SNTG1: variants seen among roughly 807,000 people sequenced by gnomAD.
SNTG1 encodes the protein gamma-1-syntrophin.
A neutral mutation model predicts 74.7 loss-of-function variants in SNTG1; 39 were observed. The ratio of observed to expected loss-of-function variants is 0.52; its 90% CI spans 0.40 to 0.68. The LOEUF is 0.68. Among genes scored for constraint, SNTG1 ranks in the 30% least tolerant of loss-of-function variants. The pLI is 0.00. For missense variants in SNTG1, 685 were observed against 609.5 expected (o/e 1.12, Z -1.30); for synonymous variants, 254 against 217.1 (o/e 1.17, Z -1.49).
chr8:50,164,935 GT>G lies in SNTG1; in HGVS notation c.-102-7621del, dbSNP rs1433122399. ...AGAATGAGTCATCCCTTATTTATAGGTTTTTAAATTTGCTTTCAGCTTATTT... is the reference window on the plus strand; with the variant it reads ...AGAATGAGTCATCCCTTATTTATAGGTTTTAAATTTGCTTTCAGCTTATTT... On this transcript the variant is annotated intron_variant, in intron 1 of 18. Transcript: ENST00000642720. Among the ~76,000 whole-genome samples, 3 of 152,174 alleles carry G rather than the reference GT, an allele frequency of 2.0e-5. No homozygotes were observed. The East Asian group carries it at 5.8e-4, about 29-fold the overall frequency.
intron 18 of SNTG1, among the ~76,000 whole-genome samples, chr8:50,780,344 TG>T (rs2095655289): frequency 6.6e-6 from 1 of 152,224 alleles, no homozygotes; most frequent in Non-Finnish European, 1.5e-5. Flanking sequence ...GGACTCTTTT[TG>T]GTTGGTAAGC....
chr8:50,433,117 T>A (rs960262948), intron 4 of SNTG1, among the ~76,000 whole-genome samples: 1 of 152,202 alleles, frequency 6.6e-6, no homozygotes, highest in Non-Finnish European at 1.5e-5. Context: ...TAGTATGTGT[T>A]ATTTTAAATG....
At chr8:50,128,014 AAT>A (rs2081201554) in intron 1 of SNTG1, among the ~76,000 whole-genome samples, 1 of 152,100 alleles carries the variant, frequency 6.6e-6, no homozygotes, top group Admixed American at 6.6e-5. Flanking sequence ...GAGTCTAAAA[AAT>A]GTCTTTTACT....
Position 50,421,049 on chromosome 8 carries a change from G to T in SNTG1, c.163-17494G>T, listed in dbSNP as rs1260606750. Among the ~76,000 whole-genome samples, 10 of 113,388 alleles carry T rather than the reference G, an allele frequency of 8.8e-5. 1 individual carries two copies. The highest frequency in any genetic ancestry group is 2.6e-4 in the East Asian group (1 of 3,784). The allele number at this position is 113,388 out of a possible 152,430, so 74.4% of individuals were successfully genotyped here. A position where few individuals can be genotyped will look rare whatever the true frequency, so the allele number is the denominator to read the frequency against. ...AAAAAAAAAAAAAGGCGGTGGGCGG[G>T]GGAGGGGGGGGCGAAGATAAAGGGA... On this transcript the variant is annotated intron_variant, in intron 4 of 18. Coordinates refer to ENST00000642720, the MANE Select transcript of SNTG1 (RefSeq NM_018967.5).
chr8:50,341,748 T>G (rs2091324471), intron 2 of SNTG1, among the ~76,000 whole-genome samples: 1 of 152,040 alleles, frequency 6.6e-6, no homozygotes, highest in African/African-American at 2.4e-5. Context: ...GGTGCCAGTT[T>G]GTAGGTGACA....
At chr8:50,486,054 T>C (rs1458084149) in intron 8 of SNTG1, among the ~76,000 whole-genome samples, 5 of 152,260 alleles carry the variant, frequency 3.3e-5, no homozygotes, top group African/African-American at 4.8e-5. Context: ...TACTGTAGCC[T>C]TGTAGTATAG....
rs373372022 is a variant in SNTG1, at chr8:50,326,924, A to G, written c.-27-67288A>G. 1.6e-4 allele frequency among the ~76,000 whole-genome samples: 24 copies of G among 152,102 alleles called. No homozygotes were observed. In the East Asian group the frequency reaches 3.7e-3, roughly 23 times the overall value. Reference sequence around the variant, plus strand: ...TTACTTTGTTTGAAATATTTTTAATATCTTTTGATCTTTCTTTTTTGAGCC... The same window carrying G: ...TTACTTTGTTTGAAATATTTTTAATGTCTTTTGATCTTTCTTTTTTGAGCC... On this transcript the variant is annotated intron_variant, in intron 2 of 18. Coordinates refer to ENST00000642720, the MANE Select transcript of SNTG1 (RefSeq NM_018967.5).
At chr8:50,557,796 C>A (rs2094465172) in intron 12 of SNTG1, among the ~76,000 whole-genome samples, 1 of 152,212 alleles carries the variant, frequency 6.6e-6, no homozygotes, top group Admixed American at 6.5e-5. Context: ...AACTATCTGG[C>A]AGGTGAACAA....
chr8:50,637,659 G>A (rs1008043299), intron 13 of SNTG1, among the ~76,000 whole-genome samples: 1 of 151,992 alleles, frequency 6.6e-6, no homozygotes, highest in East Asian at 1.9e-4. Flanking sequence ...CGCAGGATTG[G>A]ATGCATTATC....
chr8:50,060,371 GA>G (rs1820367914), intron 1 of SNTG1, among the ~76,000 whole-genome samples: 1 of 151,990 alleles, frequency 6.6e-6, no homozygotes, highest in Non-Finnish European at 1.5e-5. Flanking sequence ...AACTTTTGAT[GA>G]AGTCCAGCTT....
intron 1 of SNTG1, among the ~76,000 whole-genome samples, chr8:50,033,811 C>A (rs1233988919): frequency 6.6e-6 from 1 of 152,084 alleles, no homozygotes; most frequent in Admixed American, 6.5e-5. Flanking sequence ...CAGCCACATT[C>A]TGAGGTATTG....
chr8:50,634,577 G>A (rs2095026540), intron 13 of SNTG1, among the ~76,000 whole-genome samples: 1 of 152,018 alleles, frequency 6.6e-6, no homozygotes, highest in African/African-American at 2.4e-5. Flanking sequence ...TTCTCCCAGT[G>A]GCATCATTTT....
intron 9 of SNTG1, among the ~76,000 whole-genome samples, chr8:50,512,468 G>T (rs1275097339): frequency 6.6e-6 from 1 of 152,152 alleles, no homozygotes; most frequent in Non-Finnish European, 1.5e-5. Context: ...GGCCTGCCTT[G>T]CTAGATTAGG....
chr8:50,092,217 G>A (rs1437224708), intron 1 of SNTG1, among the ~76,000 whole-genome samples: 2 of 152,120 alleles, frequency 1.3e-5, no homozygotes, highest in Non-Finnish European at 2.9e-5. Context: ...TCATACGTGG[G>A]GATGAATCAA....
chr8:50,051,219 A>C (rs1362508744), intron 1 of SNTG1, among the ~76,000 whole-genome samples: 1 of 147,518 alleles, frequency 6.8e-6, no homozygotes, highest in Admixed American at 7.0e-5. Context: ...AGAGGACATT[A>C]TCTTTAGATA....
At chr8:50,774,111 CAG>C (rs1242204933) in intron 18 of SNTG1, among the ~76,000 whole-genome samples, 4 of 151,864 alleles carry the variant, frequency 2.6e-5, no homozygotes, top group Admixed American at 1.3e-4. Context: ...AGAAAAATAG[CAG>C]AGTCTCAGAA....
At chr8:50,458,009 C>T (rs1347938041) in intron 8 of SNTG1, 2 of 152,132 alleles carry the variant, frequency 1.3e-5, no homozygotes, top group South Asian at 2.1e-4. Context: ...ACAAATAGTA[C>T]ATTTGGACTC....
rs184112799 is a variant in SNTG1 at position 50,717,684 on chromosome 8, A to T, written c.1284+8706A>T. Reference sequence around the variant, plus strand: ...TTCTGCAAATCATACAGACACAGTGAGCCTCATTTTCTTCATCTCTAAAAT... The same window carrying T: ...TTCTGCAAATCATACAGACACAGTGTGCCTCATTTTCTTCATCTCTAAAAT... On this transcript the variant is annotated intron_variant, in intron 17 of 18. Transcript: ENST00000642720. Among the ~76,000 whole-genome samples, 136 of 152,328 alleles carry T rather than the reference A, an allele frequency of 8.9e-4. 1 individual carries two copies. The highest frequency in any genetic ancestry group is 6.8e-3 in the Middle Eastern group (2 of 294).
chr8:50,535,536 C>G (rs2094301382), intron 10 of SNTG1, among the ~76,000 whole-genome samples: 1 of 152,176 alleles, frequency 6.6e-6, no homozygotes, highest in Admixed American at 6.5e-5. Flanking sequence ...GACTTGGAAG[C>G]TGAGGTGCTC....
Sources: allele counts gnomAD v4.1 joint callset (sites outside exome capture counted in the v4.1 genomes callset), GRCh38; gene constraint gnomAD v4.1.1; transcripts MANE v1.5; gene names NCBI Gene and HGNC (gene_info 2026-07-23, HGNC 2026-07-21).